PPM1E: variants seen among roughly 807,000 people sequenced by gnomAD.
The protein encoded by PPM1E is protein phosphatase 1E.
A neutral mutation model predicts 65.9 loss-of-function variants in PPM1E; 20 were observed. The observed-to-expected ratio is 0.30, with a 90% CI of 0.21 to 0.44. The LOEUF (loss-of-function observed/expected upper bound fraction) is 0.44, where lower values mean the gene tolerates loss of function less well. PPM1E is among the 20% of genes least tolerant of loss of function. PPM1E has a pLI of 1.00. For missense variants in PPM1E, 713 were observed against 953.1 expected (o/e 0.75, Z 3.32); for synonymous variants, 352 against 374.9 (o/e 0.94, Z 0.70).
intron 1 of PPM1E, among the ~76,000 whole-genome samples, chr17:58,786,435 A>G (rs985689679): frequency 4.6e-5 from 7 of 152,174 alleles, no homozygotes; most frequent in African/African-American, 1.7e-4. Context: ...GAATACAAAC[A>G]TTGCTATAAT....
chr17:58,847,112 G>T (rs1306019697), intron 1 of PPM1E, among the ~76,000 whole-genome samples: 1 of 152,020 alleles, frequency 6.6e-6, no homozygotes, highest in Non-Finnish European at 1.5e-5. Context: ...CTTTTTGATG[G>T]GGTTGTTTGA....
intron 1 of PPM1E, among the ~76,000 whole-genome samples, chr17:58,839,217 C>T (rs2050692821): frequency 2.0e-5 from 3 of 152,088 alleles, no homozygotes; most frequent in Admixed American, 2.0e-4. Flanking sequence ...TGCCTGTAAT[C>T]CCAGCTACTT....
intron 1 of PPM1E, among the ~76,000 whole-genome samples, chr17:58,762,090 T>C (rs941415138): frequency 1.8e-4 from 28 of 152,216 alleles, no homozygotes; most frequent in Admixed American, 6.5e-5. Context: ...CTCCAATTTT[T>C]AGGCCATTAC....
chr17:58,820,681 A>G (rs1454867410), intron 1 of PPM1E, among the ~76,000 whole-genome samples: 1 of 152,230 alleles, frequency 6.6e-6, no homozygotes, highest in Non-Finnish European at 1.5e-5. Context: ...ATCAATGACT[A>G]TTATTTCATT....
chr17:58,855,854 A>G (rs961121001), intron 1 of PPM1E, among the ~76,000 whole-genome samples: 1 of 152,188 alleles, frequency 6.6e-6, no homozygotes, highest in African/African-American at 2.4e-5. Flanking sequence ...GGACATTAGT[A>G]CCAGCCCAGT....
chr17:58,982,946 A>G lies in PPM1E; in HGVS notation c.*1915A>G, dbSNP rs368755164. On this transcript the variant is annotated 3_prime_UTR_variant, in exon 7 of 7. Transcript: ENST00000308249. ...TCTAAGAAAACAAGAAAACAAAGGC[A>G]GCAGACTATTGGTACACATTATAGT... 2 of 1,568,828 alleles carry G rather than the reference A, an allele frequency of 1.3e-6. No homozygotes were observed. The highest frequency in any genetic ancestry group is 8.7e-7 in the Non-Finnish European group (1 of 1,154,960).
At chr17:58,875,278 G>A (rs1240179347) in intron 1 of PPM1E, among the ~76,000 whole-genome samples, 1 of 152,124 alleles carries the variant, frequency 6.6e-6, no homozygotes, top group Admixed American at 6.6e-5. Flanking sequence ...GGTCTCTCAA[G>A]GAAGGAAGAA....
At chr17:58,863,804 T>A in intron 1 of PPM1E, among the ~76,000 whole-genome samples, 1 of 152,070 alleles carries the variant, frequency 6.6e-6, no homozygotes, top group South Asian at 2.1e-4. Context: ...TCTCCGACCA[T>A]CCCCAGCTGA....
chr17:58,841,725 C>T lies in PPM1E; in HGVS notation c.464+85264C>T, dbSNP rs139655347. ...GGGTTTTTTTGTTTGTTTTTCATTT[C>T]GAGACAGAGTCTTACTCTGTTGCCC... On this transcript the variant is annotated intron_variant, in intron 1 of 6. Coordinates refer to ENST00000308249, the MANE Select transcript of PPM1E (RefSeq NM_014906.5). 4.1e-3 allele frequency among the ~76,000 whole-genome samples: 614 copies of T among 151,172 alleles called. 8 individuals are homozygous for T. The highest frequency in any genetic ancestry group is 0.014 in the African/African-American group (571 of 41,202).
intron 1 of PPM1E, among the ~76,000 whole-genome samples, chr17:58,794,028 C>T (rs956693903): frequency 2.0e-5 from 3 of 152,016 alleles, no homozygotes; most frequent in African/African-American, 7.2e-5. Context: ...CTACAACCTC[C>T]GCGTCCTGGG....
At chr17:58,883,732 G>T (rs975521124) in intron 1 of PPM1E, among the ~76,000 whole-genome samples, 3 of 151,360 alleles carry the variant, frequency 2.0e-5, no homozygotes, top group Admixed American at 6.6e-5. Flanking sequence ...TGATCCGCCC[G>T]CCTCGGCCTC....
At position 58,981,255 on chromosome 17, in the gene PPM1E, ATGTGTCT is replaced by A. The variant is rs1183598076; in HGVS notation, c.*225_*231del. 3 of 491,572 alleles carry A rather than the reference ATGTGTCT, an allele frequency of 6.1e-6. No individual in the cohort carries two copies. The highest frequency in any genetic ancestry group is 3.8e-5 in the Admixed American group (1 of 26,296). The allele number at this position is 491,572 out of a possible 1,614,324, so 30.5% of individuals were successfully genotyped here. ...CAAAATTACACAGCTGGTCCCTGTG[ATGTGTCT>A]CGACACCAATACACAACCCCCTTCC... On this transcript the variant is annotated 3_prime_UTR_variant, in exon 7 of 7. Transcript: ENST00000308249.
intron 3 of PPM1E, among the ~76,000 whole-genome samples, chr17:58,968,958 A>G (rs1466238395): frequency 2.0e-5 from 3 of 152,210 alleles, no homozygotes; most frequent in Non-Finnish European, 4.4e-5. Flanking sequence ...ATGCTGTGCT[A>G]TTTGTGGTGA....
At chr17:58,974,073 A>T (rs2030840737) in intron 6 of PPM1E, among the ~76,000 whole-genome samples, 1 of 151,582 alleles carries the variant, frequency 6.6e-6, no homozygotes, top group South Asian at 2.1e-4. Flanking sequence ...GGCTGCAGTG[A>T]GCCAAGATTG....
At position 58,949,829 on chromosome 17, in the gene PPM1E, A is replaced by T. The variant is rs764476286; in HGVS notation, c.465-5820A>T. Among the ~76,000 whole-genome samples the T allele has an allele frequency of 2.0e-5, 3 of 152,148 alleles. 1 individual carries two copies. Among genetic ancestry groups the T allele is most frequent in the Non-Finnish European group, 4.4e-5 (3 of 68,018 alleles). ...GAATTCTCTTATTTTTTGCTTGTCC[A>T]GGAAAGATTTTATTTCTCCTTCATT... On this transcript the variant is annotated intron_variant, in intron 1 of 6. Coordinates refer to ENST00000308249, the MANE Select transcript of PPM1E (RefSeq NM_014906.5).
chr17:58,971,996 A>T (rs1171350130), intron 4 of PPM1E, 136 bp from the exon 5 acceptor site: 25 of 807,934 alleles, frequency 3.1e-5, no homozygotes, highest in Non-Finnish European at 1.9e-6. Context: ...GAGACAATGA[A>T]TTATTATATA....
chr17:58,771,440 A>G (rs966021051), intron 1 of PPM1E, among the ~76,000 whole-genome samples: 1 of 151,610 alleles, frequency 6.6e-6, no homozygotes, highest in Non-Finnish European at 1.5e-5. Context: ...CCTGGCCAAC[A>G]TGGTGAAACC....
chr17:58,905,415 A>G (rs1019991698), intron 1 of PPM1E, among the ~76,000 whole-genome samples: 4 of 152,160 alleles, frequency 2.6e-5, no homozygotes, highest in Non-Finnish European at 4.4e-5. Flanking sequence ...TTTATCATTA[A>G]TGCGTGTTGA....
chr17:58,984,249 G>C lies in PPM1E; in HGVS notation c.*3218G>C, dbSNP rs1331715158. Reference sequence around the variant, plus strand: ...TCTAATTTTGACCACATTTATAGTGGTATAGTGTCAATACTGCATTTTCAT... The same window carrying C: ...TCTAATTTTGACCACATTTATAGTGCTATAGTGTCAATACTGCATTTTCAT... On this transcript the variant is annotated 3_prime_UTR_variant, in exon 7 of 7. Transcript: ENST00000308249. 1 of 152,582 alleles carries C rather than the reference G, an allele frequency of 6.6e-6. No individual in the cohort carries two copies. Among genetic ancestry groups the C allele is most frequent in the Non-Finnish European group, 1.5e-5 (1 of 68,040 alleles). The allele number at this position is 152,582 out of a possible 1,614,324, so 9.5% of individuals were successfully genotyped here.
Sources: gnomAD v4.1 joint callset for allele counts (sites outside exome capture counted in the v4.1 genomes callset) on GRCh38, gnomAD v4.1.1 for gene constraint, MANE v1.5 for transcripts, NCBI Gene and HGNC (gene_info 2026-07-23, HGNC 2026-07-21) for gene names.